TMTC1: variants seen among roughly 807,000 people sequenced by gnomAD.
TMTC1 encodes the protein protein O-mannosyl-transferase TMTC1.
TMTC1 carries 73 observed loss-of-function variants against 104.8 expected under a neutral mutation model. That is an observed-to-expected ratio of 0.70 (90% CI 0.58 to 0.85). The LOEUF (loss-of-function observed/expected upper bound fraction) is 0.85. Ranked by LOEUF, TMTC1 falls within the 40% of genes least tolerant of loss-of-function variation. TMTC1 has a pLI of 0.00. For missense variants in TMTC1, 1,035 were observed against 1,096.1 expected (o/e 0.94, Z 0.79); for synonymous variants, 434 against 428.7 (o/e 1.01, Z -0.15).
chr12:29,683,773 A>G (rs573085540), intron 5 of TMTC1, among the ~76,000 whole-genome samples: 23 of 152,350 alleles, frequency 1.5e-4, no homozygotes, highest in African/African-American at 4.8e-4. Flanking sequence ...ATTATTCAGA[A>G]GTTGAAATGT....
chr12:29,763,555 G>GT (rs1459932885), intron 2 of TMTC1, among the ~76,000 whole-genome samples: 1 of 152,188 alleles, frequency 6.6e-6, no homozygotes, highest in Admixed American at 6.5e-5. Context: ...GCCTCAAGGA[G>GT]TTTAACATCT....
chr12:29,637,934 G>A (rs1211421376), intron 5 of TMTC1, among the ~76,000 whole-genome samples: 1 of 152,078 alleles, frequency 6.6e-6, no homozygotes, highest in African/African-American at 2.4e-5. Context: ...ATAAATACAG[G>A]ACATTGGGTC....
intron 11 of TMTC1, among the ~76,000 whole-genome samples, chr12:29,526,650 T>C (rs958572030): frequency 6.6e-6 from 1 of 152,166 alleles, no homozygotes; most frequent in African/African-American, 2.4e-5. Context: ...GTTCTTTTCA[T>C]CCTTTCTGTG....
chr12:29,571,834 T>C (rs770808589), intron 9 of TMTC1, among the ~76,000 whole-genome samples: 2 of 152,246 alleles, frequency 1.3e-5, no homozygotes, highest in Non-Finnish European at 2.9e-5. Flanking sequence ...CACGTATATA[T>C]TGAACTGTCA....
intron 10 of TMTC1, among the ~76,000 whole-genome samples, chr12:29,548,571 T>C (rs1215843978): frequency 1.3e-5 from 2 of 152,050 alleles, no homozygotes; most frequent in Admixed American, 1.3e-4. Context: ...CCTGCTGCCA[T>C]GTAAGATGTG....
intron 5 of TMTC1, among the ~76,000 whole-genome samples, chr12:29,670,174 A>T (rs375881758): frequency 3.9e-5 from 6 of 152,340 alleles, no homozygotes; most frequent in African/African-American, 9.6e-5. Flanking sequence ...CTATAATGAT[A>T]TTTTCTGATC....
intron 5 of TMTC1, among the ~76,000 whole-genome samples, chr12:29,734,079 T>C (rs1942610961): frequency 6.6e-6 from 1 of 152,182 alleles, no homozygotes; most frequent in South Asian, 2.1e-4. Flanking sequence ...TCTCTTTTAC[T>C]TTGCCCAGGT....
intron 17 of TMTC1, among the ~76,000 whole-genome samples, chr12:29,510,273 G>A (rs1583533): frequency 6.6e-6 from 1 of 151,902 alleles, no homozygotes; most frequent in Admixed American, 6.6e-5. Flanking sequence ...TAGACATACT[G>A]AAACACAAAA....
chr12:29,507,637 G>C (rs1412999763), intron 17 of TMTC1, among the ~76,000 whole-genome samples: 1 of 152,124 alleles, frequency 6.6e-6, no homozygotes, highest in East Asian at 1.9e-4. Flanking sequence ...AAACACAACT[G>C]TCCCCACCCT....
At chr12:29,634,680 CAATAGTGAAAATAGG>C (rs1565726204) in intron 5 of TMTC1, among the ~76,000 whole-genome samples, 1 of 152,052 alleles carries the variant, frequency 6.6e-6, no homozygotes, top group African/African-American at 2.4e-5. Flanking sequence ...ATGTATAATC[CAATAGTGAAAATAGG>C]ACATACTGAA....
chr12:29,502,316 T>C lies in TMTC1; in HGVS notation c.*4530A>G, dbSNP rs974389426. 4 of 149,428 alleles carry C rather than the reference T, an allele frequency of 2.7e-5. No homozygotes were observed. Among genetic ancestry groups the C allele is most frequent in the Non-Finnish European group, 4.4e-5 (3 of 67,704 alleles). 9.3% of individuals were successfully genotyped at this position (149,428 alleles called of 1,614,324 possible). On this transcript the variant is annotated 3_prime_UTR_variant, in exon 18 of 18. Coordinates refer to ENST00000539277, the MANE Select transcript of TMTC1 (RefSeq NM_001193451.2). ...AAATTTATTATTTTAAGAAGGTGAA[T>C]CCACCACAAATCAAAGCAAAAGTTT...
intron 7 of TMTC1, among the ~76,000 whole-genome samples, chr12:29,603,039 C>G (rs1004132222): frequency 1.3e-5 from 2 of 152,206 alleles, no homozygotes; most frequent in African/African-American, 4.8e-5. Context: ...CAAGCCTTCA[C>G]AAGACTCTTA....
At chr12:29,644,981 G>A (rs1591853708) in intron 5 of TMTC1, among the ~76,000 whole-genome samples, 2 of 152,150 alleles carry the variant, frequency 1.3e-5, no homozygotes, top group East Asian at 3.9e-4. Flanking sequence ...ATTGCACTGG[G>A]GCTTGGCACA....
At chr12:29,689,210 C>A (rs753981862) in intron 5 of TMTC1, among the ~76,000 whole-genome samples, 1 of 151,946 alleles carries the variant, frequency 6.6e-6, no homozygotes, top group South Asian at 2.1e-4. Flanking sequence ...TGTGTACCAC[C>A]CGAATTCATT....
chr12:29,527,055 C>A (rs2136177989), intron 11 of TMTC1, among the ~76,000 whole-genome samples: 1 of 152,114 alleles, frequency 6.6e-6, no homozygotes, highest in East Asian at 1.9e-4. Flanking sequence ...TAGTTGAGGT[C>A]AAAAAGACTT....
rs144531357 is a variant in TMTC1, at chr12:29,507,848, G to C, written c.2509-862C>G. 2.6e-3 allele frequency among the ~76,000 whole-genome samples: 396 copies of C among 152,218 alleles called. 1 individual carries two copies. The Middle Eastern group carries it at 0.031, about 12-fold the overall frequency. On this transcript the variant is annotated intron_variant, in intron 17 of 17. Coordinates refer to ENST00000539277, the MANE Select transcript of TMTC1 (RefSeq NM_001193451.2). ...AATTCTCAGAGCTAAGATTGTTGGA[G>C]TTCCCCCATTAGAAAAAGTATGAAT...
chr12:29,629,221 T>C (rs906146253), intron 6 of TMTC1, among the ~76,000 whole-genome samples: 2 of 151,498 alleles, frequency 1.3e-5, no homozygotes, highest in African/African-American at 2.4e-5. Context: ...CACGGGAGGC[T>C]GAGGCAAGAG....
Position 29,599,973 on chromosome 12 carries a change from T to C in TMTC1, c.1250+4205A>G, listed in dbSNP as rs1280766748. 4.4e-5 allele frequency among the ~76,000 whole-genome samples: 6 copies of C among 136,546 alleles called. 1 individual carries two copies. The highest frequency in any genetic ancestry group is 1.5e-4 in the African/African-American group (5 of 32,558). 89.6% of individuals were successfully genotyped at this position (136,546 alleles called of 152,430 possible). On this transcript the variant is annotated intron_variant, in intron 7 of 17. Transcript: ENST00000539277. Reference sequence around the variant, plus strand: ...ATATATATGTGTATATATATATGTGTGTGTGTGTGTGTGTATATACATATA... The same window carrying C: ...ATATATATGTGTATATATATATGTGCGTGTGTGTGTGTGTATATACATATA...
At chr12:29,548,190 T>G (rs759897636) in intron 10 of TMTC1, among the ~76,000 whole-genome samples, 87 of 152,122 alleles carry the variant, frequency 5.7e-4, no homozygotes, top group Non-Finnish European at 1.0e-3. Context: ...CCTGTGGTAA[T>G]AGAAGAGGAG....
Sources: allele counts gnomAD v4.1 joint callset (sites outside exome capture counted in the v4.1 genomes callset), GRCh38; gene constraint gnomAD v4.1.1; transcripts MANE v1.5; gene names NCBI Gene and HGNC (gene_info 2026-07-23, HGNC 2026-07-21).